GRAMD1C: variants seen among roughly 807,000 people sequenced by gnomAD.
GRAMD1C encodes GRAM domain containing 1C, also known as protein Aster-C.
GRAMD1C carries 89 observed loss-of-function variants against 97.8 expected under a neutral mutation model. That is an observed-to-expected ratio of 0.91 (90% CI 0.77 to 1.09). The LOEUF is 1.09. Ranked by LOEUF, GRAMD1C falls within the 50% of genes least tolerant of loss-of-function variation. The pLI is 0.00. For missense variants in GRAMD1C, 740 were observed against 766.4 expected (o/e 0.97, Z 0.41); for synonymous variants, 256 against 267.0 (o/e 0.96, Z 0.40).
chr3:113,884,520 A>G (rs370425292), intron 6 of GRAMD1C, among the ~76,000 whole-genome samples: 2 of 152,210 alleles, frequency 1.3e-5, no homozygotes, highest in South Asian at 4.1e-4. Flanking sequence ...TAGTGAATCA[A>G]TAACCTATAT....
intron 10 of GRAMD1C, chr3:113,920,163 C>T: frequency 7.1e-7 from 1 of 1,406,862 alleles, no homozygotes; most frequent in Non-Finnish European, 9.9e-7. Context: ...TTTGAATCTC[C>T]AGAATCACAG....
At chr3:113,932,365 C>T (rs1004308960) in intron 11 of GRAMD1C, among the ~76,000 whole-genome samples, 3 of 152,048 alleles carry the variant, frequency 2.0e-5, no homozygotes, top group African/African-American at 4.8e-5. Context: ...TTGGAAGCCC[C>T]CCCAACCCCC....
chr3:113,920,697 T>G (rs1367475147), intron 10 of GRAMD1C, among the ~76,000 whole-genome samples: 1 of 151,972 alleles, frequency 6.6e-6, no homozygotes, highest in African/African-American at 2.4e-5. Context: ...CCCGCCACCA[T>G]ACCCAGCTAA....
chr3:113,909,884 G>T (rs368458644), intron 9 of GRAMD1C, among the ~76,000 whole-genome samples: 41 of 141,580 alleles, frequency 2.9e-4, no homozygotes, highest in African/African-American at 9.9e-4. Flanking sequence ...TTTGACTGTG[G>T]TTATATTTTA....
chr3:113,942,194 A>G (rs1269797910), intron 17 of GRAMD1C, among the ~76,000 whole-genome samples: 2 of 150,702 alleles, frequency 1.3e-5, no homozygotes, highest in African/African-American at 4.9e-5. Flanking sequence ...GATTGCAGGC[A>G]TGAGCCACTG....
At chr3:113,926,535 A>G (rs1207291103) in intron 10 of GRAMD1C, among the ~76,000 whole-genome samples, 1 of 152,170 alleles carries the variant, frequency 6.6e-6, no homozygotes, top group Non-Finnish European at 1.5e-5. Context: ...CCTGGTTAAG[A>G]ACCATTGCTG....
chr3:113,830,043 G>T (rs28897165), intron 1 of GRAMD1C, among the ~76,000 whole-genome samples: 18,087 of 152,160 alleles, frequency 0.12, 1,384 homozygotes, highest in South Asian at 0.3. Flanking sequence ...AATGCAGAAG[G>T]TTGAATAGAT....
intron 2 of GRAMD1C, among the ~76,000 whole-genome samples, chr3:113,867,191 A>G (rs774091162): frequency 6.6e-6 from 1 of 152,228 alleles, no homozygotes; most frequent in Non-Finnish European, 1.5e-5. Flanking sequence ...GTAGTCTTTT[A>G]AAAATACCCA....
At chr3:113,943,909 G>A (rs967337199) in intron 17 of GRAMD1C, among the ~76,000 whole-genome samples, 29 of 152,078 alleles carry the variant, frequency 1.9e-4, no homozygotes, top group Admixed American at 1.4e-3. Flanking sequence ...GCGAGACTCC[G>A]TCTCCAAAAA....
chr3:113,857,119 G>A (rs13325691), intron 2 of GRAMD1C, among the ~76,000 whole-genome samples: 15,953 of 151,828 alleles, frequency 0.11, 1,053 homozygotes, highest in African/African-American at 0.18. Context: ...CATTATAGGC[G>A]TGAGCCACCA....
chr3:113,927,220 T>G (rs1937259127), intron 10 of GRAMD1C, among the ~76,000 whole-genome samples: 1 of 152,058 alleles, frequency 6.6e-6, no homozygotes, highest in African/African-American at 2.4e-5. Flanking sequence ...TCATTTGTGT[T>G]TTGGCATGGT....
chr3:113,897,853 AAG>A (rs1485533185), intron 6 of GRAMD1C: 1 of 470,168 alleles, frequency 2.1e-6, no homozygotes, highest in African/African-American at 2.1e-5. Flanking sequence ...GGTTGTTTTG[AAG>A]ACTACTAAGG....
At chr3:113,836,626 GTTA>G (rs904426184), upstream of GRAMD1C, among the ~76,000 whole-genome samples, 13 of 151,134 alleles carry the variant, frequency 8.6e-5, no homozygotes, top group African/African-American at 2.7e-4. Context: ...ATAGCCACAA[GTTA>G]TTATTATTAT....
intron 8 of GRAMD1C, among the ~76,000 whole-genome samples, chr3:113,908,317 T>A (rs111633841): frequency 6.6e-6 from 1 of 152,222 alleles, no homozygotes; most frequent in Admixed American, 6.5e-5. Context: ...AAATTTATTA[T>A]AGAGATGACA....
intron 5 of GRAMD1C, among the ~76,000 whole-genome samples, chr3:113,878,488 A>G (rs545075568): frequency 2.6e-5 from 4 of 152,170 alleles, no homozygotes; most frequent in African/African-American, 9.7e-5. Flanking sequence ...AGGGGGTATA[A>G]TAATGGTGTA....
rs1934710931 is a variant in GRAMD1C, at chr3:113,869,568, C to A, written c.236C>A (p.Pro79His). The A allele has an allele frequency of 2.0e-6, 3 of 1,531,360 alleles. No homozygotes were observed. Among genetic ancestry groups the A allele is most frequent in the Non-Finnish European group, 2.7e-6 (3 of 1,119,408 alleles). 94.9% of individuals were successfully genotyped at this position (1,531,360 alleles called of 1,614,324 possible). A position where few individuals can be genotyped will look rare whatever the true frequency, so the allele number is the denominator to read the frequency against. ...EEYRRQFTHL[P>H]DTERLIADYA... is the part of the protein sequence containing the mutation. The stretch of plus-strand genomic sequence containing the variant: ...TACAGAAGACAGTTCACACATCTAC[C>A]TGATACAGAGAGGCTGATAGCAGGT... The change falls in exon 3 of 18, where the codon CCT becomes CAT. Residue 79 changes from proline (P) to histidine (H), a missense_variant. Pro to His is a moderately conservative substitution (Grantham distance 77). Coordinates refer to ENST00000358160, the MANE Select transcript of GRAMD1C (RefSeq NM_017577.5).
At chr3:113,887,423 G>A (rs975497280) in intron 6 of GRAMD1C, among the ~76,000 whole-genome samples, 3 of 151,764 alleles carry the variant, frequency 2.0e-5, no homozygotes, top group South Asian at 2.1e-4. Context: ...AAATGAGGCC[G>A]GGCACTGTGG....
chr3:113,880,702 C>G (rs1358655112), intron 5 of GRAMD1C, among the ~76,000 whole-genome samples: 1 of 152,132 alleles, frequency 6.6e-6, no homozygotes, highest in Non-Finnish European at 1.5e-5. Flanking sequence ...ATTTACTGAA[C>G]ACTTACTGTT....
chr3:113,857,749 G>C (rs1195154668), intron 2 of GRAMD1C, among the ~76,000 whole-genome samples: 2 of 152,148 alleles, frequency 1.3e-5, no homozygotes, highest in Non-Finnish European at 2.9e-5. Context: ...CCTATATCAA[G>C]TGATATGATT....
Sources: allele counts gnomAD v4.1 joint callset (sites outside exome capture counted in the v4.1 genomes callset), GRCh38; gene constraint gnomAD v4.1.1; transcripts MANE v1.5; gene names NCBI Gene and HGNC (gene_info 2026-07-23, HGNC 2026-07-21).